The following COTL1 variants were observed in gnomAD, a reference collection of about 807,000 sequenced individuals.
COTL1 encodes coactosin like F-actin binding protein 1, also known as coactosin-like protein.
A neutral mutation model predicts 16.5 loss-of-function variants in COTL1; 15 were observed. The observed-to-expected ratio is 0.91, with a 90% CI of 0.61 to 1.40. COTL1 has a LOEUF of 1.40. Among genes scored for constraint, COTL1 ranks in the 40% most tolerant of loss-of-function variants. The pLI, the probability that COTL1 is intolerant of heterozygous loss-of-function variation, is 0.00. For synonymous variants in COTL1, 112 were observed against 85.3 expected, an observed-to-expected ratio of 1.31 and a Z score of -1.73; for missense variants, 220 against 201.5, an observed-to-expected ratio of 1.09 and a Z score of -0.56.
intron 2 of COTL1, among the ~76,000 whole-genome samples, chr16:84,593,669 G>A (rs1049624753): frequency 2.0e-5 from 3 of 151,934 alleles, no homozygotes; most frequent in Non-Finnish European, 2.9e-5. Flanking sequence ...CCGCCACCAC[G>A]CCCGGCTAAT....
rs576513667 is a variant in COTL1 at position 84,573,527 on chromosome 16, C to T, written c.319-6572G>A. On this transcript the variant is annotated intron_variant, in intron 3 of 3. Coordinates refer to ENST00000262428, the MANE Select transcript of COTL1 (RefSeq NM_021149.5). Reference sequence around the variant, plus strand: ...GCCAGATGCAGTGGCTCATGCCCAGCACTTTGGGAGGCCGAGGTGAGTGGA... The same window carrying T: ...GCCAGATGCAGTGGCTCATGCCCAGTACTTTGGGAGGCCGAGGTGAGTGGA... Among the ~76,000 whole-genome samples the T allele has an allele frequency of 2.0e-4, 30 of 152,306 alleles. No individual in the cohort carries two copies. The South Asian group carries it at 5.2e-3, about 26-fold the overall frequency.
In COTL1 at chr16:84,566,797, G is replaced by A; in HGVS notation, c.*48C>T. 7.5e-7 allele frequency: 1 copy of A among 1,339,000 alleles called. No individual in the cohort carries two copies. The highest frequency in any genetic ancestry group is 1.2e-5 in the South Asian group (1 of 84,600). The allele number at this position is 1,339,000 out of a possible 1,614,324, so 82.9% of individuals were successfully genotyped here. ...TGAGGCCGGCGGTCCTCTCCCCCGG[G>A]GAGCAGGCAGATGACTTTGGCAAGG... On this transcript the variant is annotated 3_prime_UTR_variant, in exon 4 of 4. Coordinates refer to ENST00000262428, the MANE Select transcript of COTL1 (RefSeq NM_021149.5).
chr16:84,617,940 G>C lies in COTL1; in HGVS notation c.-26C>G. On this transcript the variant is annotated 5_prime_UTR_variant, in exon 1 of 4. Transcript: ENST00000262428. ...CGCCGCGGAGCCGCAGCGGGACACT[G>C]TCCGGGGCGGCCGAGCGCGCCCCTG... 3 of 1,519,094 alleles carry C rather than the reference G, an allele frequency of 2.0e-6. No homozygotes were observed. Among genetic ancestry groups the C allele is most frequent in the Non-Finnish European group, 2.6e-6 (3 of 1,132,630 alleles). The allele number at this position is 1,519,094 out of a possible 1,614,324, so 94.1% of individuals were successfully genotyped here.
intron 3 of COTL1, chr16:84,569,113 G>C (rs1336206794): frequency 6.6e-6 from 1 of 152,376 alleles, no homozygotes; most frequent in Non-Finnish European, 1.5e-5. Flanking sequence ...CTGAGGTCAG[G>C]AGTTCGAGAC....
At chr16:84,577,693 AC>A (rs1489505318) in intron 3 of COTL1, among the ~76,000 whole-genome samples, 1 of 152,204 alleles carries the variant, frequency 6.6e-6, no homozygotes, top group Non-Finnish European at 1.5e-5. Context: ...ACCCTGCTGT[AC>A]TTGAGGAACA....
rs1306567910 is a variant in COTL1, at chr16:84,617,594, G to C, written c.78-11C>G. 5 of 1,552,742 alleles carry C rather than the reference G, an allele frequency of 3.2e-6. No homozygotes were observed. The Admixed American group carries it at 5.9e-5, about 18-fold the overall frequency. ...TATTTAAAAGTCACCCTTTGGGTTG[G>C]GAGAAGAAAAAAACACACACACACA... On this transcript the variant is annotated splice_polypyrimidine_tract_variant and intron_variant, in intron 1 of 3. Transcript: ENST00000262428.
chr16:84,566,994 AG>A (rs747930903), intron 3 of COTL1, 39 bp from the exon 4 acceptor site: 1 of 1,424,080 alleles, frequency 7.0e-7, no homozygotes, highest in South Asian at 1.1e-5. Context: ...CCTATTAAGA[AG>A]GAAGGCACAG....
Position 84,607,909 on chromosome 16 carries a change from G to A in COTL1, c.160+9592C>T, listed in dbSNP as rs112337044. Among the ~76,000 whole-genome samples the A allele has an allele frequency of 2.0e-3, 312 of 152,250 alleles. 1 individual carries two copies. In the Middle Eastern group the frequency reaches 0.024, roughly 12 times the overall value. ...GCCCTAAGAAACGCCTAGACTTATC[G>A]GGCAGGAAGCAGAAGCAGCAGCAGA... On this transcript the variant is annotated intron_variant, in intron 2 of 3. Coordinates refer to ENST00000262428, the MANE Select transcript of COTL1 (RefSeq NM_021149.5).
At chr16:84,591,823 C>CA (rs1555523357) in intron 2 of COTL1, among the ~76,000 whole-genome samples, 5 of 120,668 alleles carry the variant, frequency 4.1e-5, no homozygotes, top group South Asian at 3.0e-4. Flanking sequence ...GACCCTGTCT[C>CA]AAATAAAATA....
chr16:84,577,970 C>T (rs992689402), intron 3 of COTL1, among the ~76,000 whole-genome samples: 3 of 152,276 alleles, frequency 2.0e-5, no homozygotes, highest in Non-Finnish European at 2.9e-5. Flanking sequence ...AAGCCCCAAA[C>T]GCACCTTGCC....
intron 3 of COTL1, among the ~76,000 whole-genome samples, chr16:84,574,740 C>G (rs765352999): frequency 3.3e-5 from 5 of 152,074 alleles, no homozygotes; most frequent in Admixed American, 2.0e-4. Context: ...ACCACCACCA[C>G]GCCTGGCTAA....
At chr16:84,595,881 ATGTG>A (rs1340363156) in intron 2 of COTL1, 2 of 151,630 alleles carry the variant, frequency 1.3e-5, no homozygotes, top group Non-Finnish European at 2.9e-5. Flanking sequence ...GTATTTGTGT[ATGTG>A]TGTTATATAT....
intron 2 of COTL1, among the ~76,000 whole-genome samples, chr16:84,592,621 C>G (rs1329075368): frequency 6.7e-6 from 1 of 148,440 alleles, no homozygotes; most frequent in Non-Finnish European, 1.5e-5. Flanking sequence ...AAAAATCAAT[C>G]TGCGTTTCTT....
At chr16:84,576,476 T>C (rs1028913283) in intron 3 of COTL1, 1 of 152,224 alleles carries the variant, frequency 6.6e-6, no homozygotes, top group African/African-American at 2.4e-5. Flanking sequence ...ACCTGTCATA[T>C]GCCATACACT....
chr16:84,596,709 C>T (rs180921492), intron 2 of COTL1: 1 of 152,632 alleles, frequency 6.6e-6, no homozygotes, highest in Non-Finnish European at 1.5e-5. Context: ...TCTTCCACCC[C>T]CTCTGTCTCC....
chr16:84,594,905 G>A lies in COTL1; in HGVS notation c.161-4643C>T, dbSNP rs1326575659. ...TGCGGAGCTCCATGGCTTTTCCAGCGTCTGCCCTCTCTGCTGGCTGCCAAG... is the reference window on the plus strand; with the variant it reads ...TGCGGAGCTCCATGGCTTTTCCAGCATCTGCCCTCTCTGCTGGCTGCCAAG... On this transcript the variant is annotated intron_variant, in intron 2 of 3. Coordinates refer to ENST00000262428, the MANE Select transcript of COTL1 (RefSeq NM_021149.5). 3 of 152,808 alleles carry A rather than the reference G, an allele frequency of 2.0e-5. No homozygotes were observed. In the East Asian group the frequency reaches 5.8e-4, roughly 30 times the overall value. 9.5% of individuals were successfully genotyped at this position (152,808 alleles called of 1,614,324 possible).
intron 3 of COTL1, among the ~76,000 whole-genome samples, chr16:84,578,003 CT>C (rs1904490985): frequency 6.6e-6 from 1 of 152,152 alleles, no homozygotes; most frequent in Non-Finnish European, 1.5e-5. Flanking sequence ...ACGGCTTCAT[CT>C]AGACCAGGCA....
In COTL1 at chr16:84,572,658, C is replaced by T. The variant is rs558397338; in HGVS notation, c.319-5703G>A. On this transcript the variant is annotated intron_variant, in intron 3 of 3. Coordinates refer to ENST00000262428, the MANE Select transcript of COTL1 (RefSeq NM_021149.5). The stretch of plus-strand genomic sequence containing the variant: ...GTATTTTTCTGTAGAGACGTGGTTT[C>T]GTCATGTTGCCCAGGCTGGTCTCCA... Among the ~76,000 whole-genome samples the T allele has an allele frequency of 5.0e-4, 76 of 152,252 alleles. 1 individual carries two copies. The highest frequency in any genetic ancestry group is 1.7e-3 in the African/African-American group (69 of 41,548).
At chr16:84,572,868 T>C (rs1252927447) in intron 3 of COTL1, among the ~76,000 whole-genome samples, 1 of 151,146 alleles carries the variant, frequency 6.6e-6, no homozygotes, top group Non-Finnish European at 1.5e-5. Context: ...TCCTACCACC[T>C]CAGCCACCGA....
Sources: gnomAD v4.1 joint callset for allele counts (sites outside exome capture counted in the v4.1 genomes callset) on GRCh38, gnomAD v4.1.1 for gene constraint, MANE v1.5 for transcripts, NCBI Gene and HGNC (gene_info 2026-07-23, HGNC 2026-07-21) for gene names.